HEATR4: variants seen among roughly 807,000 people sequenced by gnomAD.
The protein encoded by HEATR4 is HEAT repeat-containing protein 4.
In HEATR4, 95 loss-of-function variants were observed where a neutral mutation model predicts 108.8. The ratio of observed to expected loss-of-function variants is 0.87; its 90% CI spans 0.74 to 1.04. The LOEUF is 1.04. Ranked by LOEUF, HEATR4 falls within the 50% of genes least tolerant of loss-of-function variation. The probability of loss-of-function intolerance (pLI) is 0.00; values close to 1 mark genes in which losing one functional copy is unlikely to be tolerated. For synonymous variants in HEATR4, 443 were observed against 459.4 expected, an observed-to-expected ratio of 0.96 and a Z score of 0.46; for missense variants, 1,152 against 1,253.8, an observed-to-expected ratio of 0.92 and a Z score of 1.23.
intron 2 of HEATR4, among the ~76,000 whole-genome samples, chr14:73,526,752 C>G (rs1462944534): frequency 6.6e-6 from 1 of 152,228 alleles, no homozygotes; most frequent in East Asian, 1.9e-4. Context: ...CACCTGCTGA[C>G]TAAAGTGCCC....
At chr14:73,617,241 T>G in the HEATR4 span, 2 of 1,612,918 alleles carry the variant, frequency 1.2e-6, no homozygotes, top group Non-Finnish European at 1.7e-6. Context: ...ATAGAGCTGA[T>G]GCAGGGCTGA....
At chr14:73,587,102 T>G in the HEATR4 span, among the ~76,000 whole-genome samples, 2 of 146,038 alleles carry the variant, frequency 1.4e-5, no homozygotes, top group Non-Finnish European at 3.0e-5. Flanking sequence ...CTCCCTAATA[T>G]AGAAAAATTA....
upstream of HEATR4, among the ~76,000 whole-genome samples, chr14:73,559,882 A>G (rs1374931202): frequency 6.6e-6 from 1 of 152,142 alleles, no homozygotes; most frequent in Non-Finnish European, 1.5e-5. Flanking sequence ...TACCAGGCTG[A>G]TAAAACAGAT....
the HEATR4 span, among the ~76,000 whole-genome samples, chr14:73,598,794 G>A: frequency 4.1e-3 from 615 of 151,184 alleles, 1 homozygote; most frequent in Non-Finnish European, 6.9e-3. Context: ...CCTGAGGTCG[G>A]GAGTTCGAGA....
Position 73,508,255 on chromosome 14 carries a change from G to C in HEATR4, c.1760C>G (p.Ala587Gly). 5 of 1,614,022 alleles carry C rather than the reference G, an allele frequency of 3.1e-6. No homozygotes were observed. Among genetic ancestry groups the C allele is most frequent in the Non-Finnish European group, 4.2e-6 (5 of 1,179,966 alleles). ...AGGGTAAGTAGCAGTACCTTCCAGA[G>C]CCAAGCACTGAGCTGCAGCCCAGCT... ...VDSWAAAQCL[A>G]LEGTATYPVI... The change falls in exon 9 of 18, where the codon GCT becomes GGT. Residue 587 changes from alanine to glycine, a missense_variant. Coordinates refer to ENST00000553558, the MANE Select transcript of HEATR4 (RefSeq NM_001220484.1).
chr14:73,589,596 A>AGT, the HEATR4 span, among the ~76,000 whole-genome samples: 5 of 152,138 alleles, frequency 3.3e-5, no homozygotes, highest in African/African-American at 1.2e-4. Flanking sequence ...TGAGATTACA[A>AGT]GTGTGTGCCC....
At chr14:73,601,919 T>C in the HEATR4 span, among the ~76,000 whole-genome samples, 2 of 124,184 alleles carry the variant, frequency 1.6e-5, no homozygotes, top group Non-Finnish European at 3.2e-5. Flanking sequence ...AATAACAACA[T>C]AATTATGCTT....
chr14:73,522,838 A>C lies in HEATR4; in HGVS notation c.315T>G (p.Thr105=), dbSNP rs1204761637. The C allele has an allele frequency of 6.2e-7, 1 of 1,614,080 alleles. No homozygotes were observed. Among genetic ancestry groups the C allele is most frequent in the Non-Finnish European group, 8.5e-7 (1 of 1,180,022 alleles). The change falls in exon 3 of 18, where the codon ACT becomes ACG. Residue 105 remains threonine, a synonymous_variant. Transcript: ENST00000553558. The part of the protein sequence containing the change: ...HLYNTNDIIH[T]PQIRKARPQK... Reference sequence around the variant, plus strand: ...GAGGCCGGGCCTTCCTGATCTGGGGAGTATGGATGATGTCATTGGTATTGT... The same window carrying C: ...GAGGCCGGGCCTTCCTGATCTGGGGCGTATGGATGATGTCATTGGTATTGT...
At chr14:73,614,671 C>G in the HEATR4 span, among the ~76,000 whole-genome samples, 6 of 151,226 alleles carry the variant, frequency 4.0e-5, no homozygotes, top group Non-Finnish European at 8.8e-5. Flanking sequence ...CGCTTGAACC[C>G]GGGAGGCTGA....
At chr14:73,569,599 G>C in the HEATR4 span, 7 of 1,601,944 alleles carry the variant, frequency 4.4e-6, no homozygotes, top group Middle Eastern at 2.2e-4. Flanking sequence ...GACACTCTTG[G>C]CGAGCTGGAC....
chr14:73,600,363 G>C, the HEATR4 span, among the ~76,000 whole-genome samples: 1 of 152,064 alleles, frequency 6.6e-6, no homozygotes, highest in Non-Finnish European at 1.5e-5. Flanking sequence ...GATGGAAAAG[G>C]GGAGTTCAAA....
intron 1 of HEATR4, among the ~76,000 whole-genome samples, chr14:73,558,377 T>G (rs1437290576): frequency 1.5e-5 from 2 of 132,202 alleles, no homozygotes; most frequent in Non-Finnish European, 3.4e-5. Context: ...TTTGTTTTTT[T>G]TTTTTTGAGA....
At chr14:73,518,183 A>G (rs905712451) in intron 5 of HEATR4, among the ~76,000 whole-genome samples, 3 of 152,166 alleles carry the variant, frequency 2.0e-5, no homozygotes, top group African/African-American at 7.2e-5. Flanking sequence ...GCCTCCAAGG[A>G]TAGACTGAGC....
the HEATR4 span, chr14:73,569,895 C>G: frequency 6.2e-7 from 1 of 1,600,352 alleles, no homozygotes; most frequent in South Asian, 1.1e-5. Flanking sequence ...TGACTCACCT[C>G]CGCTAATTGT....
At chr14:73,595,676 T>C in the HEATR4 span, 1 of 1,510,042 alleles carries the variant, frequency 6.6e-7, no homozygotes, top group Non-Finnish European at 8.8e-7. Context: ...GTTGTTGACA[T>C]GAGAGATTCA....
the HEATR4 span, among the ~76,000 whole-genome samples, chr14:73,607,961 G>C: frequency 8.6e-5 from 13 of 150,370 alleles, no homozygotes; most frequent in African/African-American, 3.2e-4. Context: ...GTCTTGCTCT[G>C]TTGCCCAGGC....
chr14:73,573,872 A>C, the HEATR4 span, among the ~76,000 whole-genome samples: 1 of 151,864 alleles, frequency 6.6e-6, no homozygotes, highest in Non-Finnish European at 1.5e-5. Context: ...GATTACAGGC[A>C]CCTGCCACCA....
the HEATR4 span, among the ~76,000 whole-genome samples, chr14:73,605,553 A>ATTTT: frequency 4.3e-5 from 4 of 93,044 alleles, no homozygotes; most frequent in African/African-American, 7.0e-5. Context: ...AGGCTGTAAG[A>ATTTT]TTCTTTTTTT....
rs1458456374 is a variant in HEATR4 at position 73,492,053 on chromosome 14, G to A, written c.2844+1013C>T. ...TGCCCCCCACTACGACGACATCGAG[G>A]CCTTCGTGCTGCAGCTGGAAGGTAG... On this transcript the variant is annotated intron_variant, in intron 17 of 17. Transcript: ENST00000553558. The surrounding 1 kb of genome is among the most constrained non-coding windows in gnomAD (Gnocchi z 4.9). 7 of 1,614,006 alleles carry A rather than the reference G, an allele frequency of 4.3e-6. No individual in the cohort carries two copies. Among genetic ancestry groups the A allele is most frequent in the Non-Finnish European group, 5.9e-6 (7 of 1,179,890 alleles).
Sources: allele counts gnomAD v4.1 joint callset (sites outside exome capture counted in the v4.1 genomes callset), GRCh38; gene constraint gnomAD v4.1.1; non-coding constraint Gnocchi (gnomAD v3.1); transcripts MANE v1.5; gene names NCBI Gene and HGNC (gene_info 2026-07-23, HGNC 2026-07-21).